The following ALPK2 variants were observed in gnomAD, a reference collection of about 807,000 sequenced individuals.
The protein encoded by ALPK2 is alpha-protein kinase 2.
In ALPK2, 127 loss-of-function variants were observed where a neutral mutation model predicts 163.1. The observed-to-expected ratio is 0.78, with a 90% CI of 0.67 to 0.90. The LOEUF is 0.90. Among genes scored for constraint, ALPK2 ranks in the 40% least tolerant of loss-of-function variants. The probability of loss-of-function intolerance (pLI) is 0.00; values close to 1 mark genes in which losing one functional copy is unlikely to be tolerated. For missense variants in ALPK2, 2,360 were observed against 2,589.6 expected, an observed-to-expected ratio of 0.91 and a Z score of 1.92; for synonymous variants, 953 against 959.1, an observed-to-expected ratio of 0.99 and a Z score of 0.12.
chr18:58,625,642 G>A (rs1467254540), intron 1 of ALPK2, among the ~76,000 whole-genome samples: 1 of 152,166 alleles, frequency 6.6e-6, no homozygotes, highest in Non-Finnish European at 1.5e-5. Flanking sequence ...CTTAAACTAG[G>A]GGTTGAGGAG....
chr18:58,502,181 A>C (rs865919963), intron 11 of ALPK2, among the ~76,000 whole-genome samples: 49 of 112,368 alleles, frequency 4.4e-4, no homozygotes, highest in Admixed American at 1.8e-3. Flanking sequence ...CACACACACA[A>C]AGAAAAAAAA....
At chr18:58,524,198 T>C in intron 6 of ALPK2, 136 bp from the exon 7 acceptor site, 1 of 1,203,046 alleles carries the variant, frequency 8.3e-7, no homozygotes, top group Admixed American at 2.8e-5. Context: ...AAGGGCAAAA[T>C]CACGATCAGC....
At chr18:58,577,028 C>G (rs1416548419) in intron 4 of ALPK2, among the ~76,000 whole-genome samples, 1 of 152,168 alleles carries the variant, frequency 6.6e-6, no homozygotes, top group African/African-American at 2.4e-5. Flanking sequence ...CAGCTGATAC[C>G]TGGTGGAGTG....
chr18:58,538,468 C>CGTCA (rs1376160765), intron 4 of ALPK2: 1 of 459,588 alleles, frequency 2.2e-6, no homozygotes, highest in African/African-American at 2.0e-5. Context: ...AAAAAGCCTC[C>CGTCA]TGACAACCAT....
intron 3 of ALPK2, among the ~76,000 whole-genome samples, chr18:58,593,563 CA>C (rs34460316): frequency 0.36 from 18,365 of 50,736 alleles, 921 homozygotes; most frequent in African/African-American, 0.39. Context: ...GACTCTGTCT[CA>C]AAAAAAAAAA....
intron 4 of ALPK2, among the ~76,000 whole-genome samples, chr18:58,569,496 G>A (rs1029391515): frequency 8.5e-5 from 13 of 152,160 alleles, no homozygotes; most frequent in Admixed American, 1.3e-4. Context: ...AATCTCCTAC[G>A]AGTCTGGTTG....
chr18:58,625,875 G>C (rs1238584696), intron 1 of ALPK2, among the ~76,000 whole-genome samples: 1 of 152,256 alleles, frequency 6.6e-6, no homozygotes, highest in African/African-American at 2.4e-5. Flanking sequence ...CTCCTGATCA[G>C]TTTTGTCTAT....
Position 58,514,974 on chromosome 18 carries a change from G to A in ALPK2, c.6029+19C>T. ...CAACGAGTCAGGAGTGTGACACAAGGCAGGGTAAACACACTTACTCAGGTA... is the reference window on the plus strand; with the variant it reads ...CAACGAGTCAGGAGTGTGACACAAGACAGGGTAAACACACTTACTCAGGTA... On this transcript the variant is annotated intron_variant, in intron 10 of 12. Transcript: ENST00000361673. 6.3e-7 allele frequency: 1 copy of A among 1,595,614 alleles called. No individual in the cohort carries two copies. The highest frequency in any genetic ancestry group is 8.6e-7 in the Non-Finnish European group (1 of 1,166,896).
intron 12 of ALPK2, 92 bp from the exon 13 acceptor site, chr18:58,482,131 G>T: frequency 2.3e-6 from 2 of 871,100 alleles, no homozygotes; most frequent in Non-Finnish European, 3.8e-6. Flanking sequence ...AACTAATGGT[G>T]CATGGAACAT....
At chr18:58,556,829 G>A (rs906874404) in intron 4 of ALPK2, among the ~76,000 whole-genome samples, 2 of 152,200 alleles carry the variant, frequency 1.3e-5, no homozygotes, top group Non-Finnish European at 2.9e-5. Flanking sequence ...TGGCATCCCT[G>A]CCCCAGGGGA....
intron 12 of ALPK2, among the ~76,000 whole-genome samples, chr18:58,497,356 G>A (rs1025165050): frequency 2.0e-5 from 3 of 152,272 alleles, no homozygotes; most frequent in African/African-American, 4.8e-5. Context: ...ACACAGAATT[G>A]CATCTTCACC....
At chr18:58,531,334 G>A (rs1313855501) in intron 5 of ALPK2, among the ~76,000 whole-genome samples, 2 of 152,046 alleles carry the variant, frequency 1.3e-5, no homozygotes, top group Non-Finnish European at 2.9e-5. Context: ...GCTCCTTTGG[G>A]GATAGCAGGG....
chr18:58,584,631 G>A lies in ALPK2; in HGVS notation c.228-4083C>T, dbSNP rs143689330. On this transcript the variant is annotated intron_variant, in intron 3 of 12. Transcript: ENST00000361673. ...AGACTTGCATAGAGTAATGGGCACC[G>A]TGGTGCCCAGCATTATGTTAGGAGC... is the stretch of plus-strand genomic sequence containing the variant. Among the ~76,000 whole-genome samples the A allele has an allele frequency of 4.1e-3, 627 of 152,348 alleles. 4 individuals carry two copies. Among genetic ancestry groups the A allele is most frequent in the African/African-American group, 0.014 (598 of 41,584 alleles).
Position 58,481,742 on chromosome 18 carries a change from T to C in ALPK2, c.*81A>G. 8.6e-7 allele frequency: 1 copy of C among 1,162,734 alleles called. No homozygotes were observed. The highest frequency in any genetic ancestry group is 1.5e-5 in the African/African-American group (1 of 65,174). The allele number at this position is 1,162,734 out of a possible 1,614,324, so 72.0% of individuals were successfully genotyped here. A position where few individuals can be genotyped will look rare whatever the true frequency, so the allele number is the denominator to read the frequency against. The stretch of plus-strand genomic sequence containing the variant: ...TGCCACGCACTCTCTGCAGGCTGTA[T>C]ATTCTCTCCTGTGTGGCCTCAGATT... On this transcript the variant is annotated 3_prime_UTR_variant, in exon 13 of 13. Coordinates refer to ENST00000361673, the MANE Select transcript of ALPK2 (RefSeq NM_052947.4).
At chr18:58,543,383 T>C (rs1406379725) in intron 4 of ALPK2, 1 of 985,324 alleles carries the variant, frequency 1.0e-6, no homozygotes, top group African/African-American at 1.7e-5. Flanking sequence ...CAGGCGGCTA[T>C]GTGTAGACCA....
At chr18:58,593,252 AAAATT>A (rs2052023526) in intron 3 of ALPK2, among the ~76,000 whole-genome samples, 1 of 152,184 alleles carries the variant, frequency 6.6e-6, no homozygotes, top group South Asian at 2.1e-4. Flanking sequence ...AAACTGCTCT[AAAATT>A]AAAGTCTATT....
At chr18:58,526,595 T>G (rs2051586304) in intron 6 of ALPK2, among the ~76,000 whole-genome samples, 1 of 152,206 alleles carries the variant, frequency 6.6e-6, no homozygotes, top group African/African-American at 2.4e-5. Context: ...AATGGGTTCC[T>G]GGTTACCAAG....
chr18:58,617,331 C>T (rs921537207), intron 1 of ALPK2, among the ~76,000 whole-genome samples: 4 of 152,076 alleles, frequency 2.6e-5, no homozygotes, highest in African/African-American at 9.7e-5. Context: ...GGATTACAGG[C>T]GTGCACCACC....
chr18:58,602,526 T>C (rs2052076402), intron 3 of ALPK2, among the ~76,000 whole-genome samples: 2 of 152,166 alleles, frequency 1.3e-5, no homozygotes, highest in East Asian at 3.9e-4. Flanking sequence ...TGCCATTGCA[T>C]CACCCCAATC....
Sources: gnomAD v4.1 joint callset for allele counts (sites outside exome capture counted in the v4.1 genomes callset) on GRCh38, gnomAD v4.1.1 for gene constraint, MANE v1.5 for transcripts, NCBI Gene and HGNC (gene_info 2026-07-23, HGNC 2026-07-21) for gene names.